The following CLIC5 variants were observed in gnomAD, a reference collection of about 807,000 sequenced individuals.
CLIC5 encodes the protein CLIC family member 5, also known as chloride intracellular channel protein 5.
In CLIC5, 20 loss-of-function variants were observed where a neutral mutation model predicts 24.7. The observed-to-expected ratio is 0.81, with a 90% confidence interval of 0.57 to 1.18. The LOEUF is 1.18. Among genes scored for constraint, CLIC5 ranks in the 50% most tolerant of loss-of-function variants. CLIC5 has a pLI of 0.00. For synonymous variants in CLIC5, 159 were observed against 135.6 expected (o/e 1.17, Z -1.20); for missense variants, 341 against 326.1 (o/e 1.05, Z -0.35).
Position 45,899,191 on chromosome 6 carries a change from C to T in CLIC5, c.*3897G>A, listed in dbSNP as rs1369582165. On this transcript the variant is annotated 3_prime_UTR_variant, in exon 6 of 6. Transcript: ENST00000339561. ...ACAATGGGGCTGTGTGCAGCAGGTC[C>T]TGTTCGCTTAAGTTTTCCTAACATC... 2.6e-5 allele frequency: 4 copies of T among 152,188 alleles called. No homozygotes were observed. 9.4% of individuals were successfully genotyped at this position (152,188 alleles called of 1,614,324 possible). A position where few individuals can be genotyped will look rare whatever the true frequency, so the allele number is the denominator to read the frequency against.
the CLIC5 span, among the ~76,000 whole-genome samples, chr6:46,119,063 T>C: frequency 6.6e-6 from 1 of 152,178 alleles, no homozygotes; most frequent in East Asian, 1.9e-4. Context: ...CTCTAGAGGC[T>C]GGAAAAGGCA....
intron 1 of CLIC5, among the ~76,000 whole-genome samples, chr6:45,996,930 G>A (rs113935280): frequency 6.8e-4 from 103 of 152,146 alleles, no homozygotes; most frequent in African/African-American, 2.5e-3. Context: ...TTCAACCATT[G>A]TGGAAGTCAG....
At chr6:46,086,698 A>G in the CLIC5 span, among the ~76,000 whole-genome samples, 4 of 152,214 alleles carry the variant, frequency 2.6e-5, no homozygotes, top group African/African-American at 9.7e-5. Context: ...TTCCAGACAA[A>G]GACAGATGCT....
chr6:45,969,896 T>G (rs1328556418), intron 1 of CLIC5, among the ~76,000 whole-genome samples: 1 of 148,886 alleles, frequency 6.7e-6, no homozygotes, highest in Non-Finnish European at 1.5e-5. Context: ...AGGGGAAGGA[T>G]AGAAGGGAAG....
At chr6:45,979,323 G>A (rs544771964) in intron 1 of CLIC5, among the ~76,000 whole-genome samples, 1 of 152,276 alleles carries the variant, frequency 6.6e-6, no homozygotes, top group African/African-American at 2.4e-5. Context: ...TCCTTGAATA[G>A]ACAAGAGACC....
At chr6:46,066,573 A>G (rs1448113998) in intron 1 of CLIC5, among the ~76,000 whole-genome samples, 1 of 151,996 alleles carries the variant, frequency 6.6e-6, no homozygotes, top group Non-Finnish European at 1.5e-5. Flanking sequence ...AAATCAACAC[A>G]TATTTATGAG....
rs191264459 is a variant in CLIC5, at chr6:46,032,444, C to G, written c.540+47259G>C. ...AGATTGGGGAGGGAGAACTTTTCAGCTTTTACTTTATGCATTTTTATATCA... is the reference window on the plus strand; with the variant it reads ...AGATTGGGGAGGGAGAACTTTTCAGGTTTTACTTTATGCATTTTTATATCA... On this transcript the variant is annotated intron_variant, in intron 1 of 5. Coordinates refer to the CLIC5 transcript ENST00000185206. 6.6e-5 allele frequency among the ~76,000 whole-genome samples: 10 copies of G among 152,294 alleles called. No homozygotes were observed. In the East Asian group the frequency reaches 1.9e-3, roughly 29 times the overall value.
At chr6:46,030,291 G>A (rs9472671) in intron 1 of CLIC5, among the ~76,000 whole-genome samples, 2,099 of 152,114 alleles carry the variant, frequency 0.014, 50 homozygotes, top group African/African-American at 0.047. Context: ...CCATATTTTT[G>A]TTTAATCCTT....
intron 1 of CLIC5, among the ~76,000 whole-genome samples, chr6:45,982,296 T>A (rs142779676): frequency 6.6e-6 from 1 of 152,138 alleles, no homozygotes; most frequent in Non-Finnish European, 1.5e-5. Flanking sequence ...GGACTCAGTG[T>A]CCTCATGAAT....
chr6:45,958,003 A>T (rs1237321301), intron 1 of CLIC5, among the ~76,000 whole-genome samples: 1 of 152,064 alleles, frequency 6.6e-6, no homozygotes, highest in Non-Finnish European at 1.5e-5. Flanking sequence ...CCTAGGTTGA[A>T]TCATGTTCCC....
intron 1 of CLIC5, among the ~76,000 whole-genome samples, chr6:46,065,960 C>T (rs1433844386): frequency 2.0e-5 from 3 of 152,112 alleles, no homozygotes; most frequent in Non-Finnish European, 4.4e-5. Flanking sequence ...CATACTAGGG[C>T]ATATGGTATA....
At chr6:45,940,760 GTT>G (rs1289468547) in intron 4 of CLIC5, among the ~76,000 whole-genome samples, 2 of 152,200 alleles carry the variant, frequency 1.3e-5, no homozygotes, top group African/African-American at 4.8e-5. Flanking sequence ...AGCCCCCCAG[GTT>G]GGCACTGCAG....
At chr6:46,120,617 G>A in the CLIC5 span, among the ~76,000 whole-genome samples, 2 of 152,206 alleles carry the variant, frequency 1.3e-5, no homozygotes, top group South Asian at 4.1e-4. Context: ...GAAGGCTTCA[G>A]ATGATCAAAC....
chr6:45,952,222 G>C (rs1425338067), intron 2 of CLIC5, among the ~76,000 whole-genome samples: 1 of 152,140 alleles, frequency 6.6e-6, no homozygotes, highest in Non-Finnish European at 1.5e-5. Flanking sequence ...GGCCACCGAC[G>C]CTTAGCTAGA....
intron 5 of CLIC5, among the ~76,000 whole-genome samples, chr6:45,908,170 T>C (rs1379905861): frequency 6.6e-6 from 1 of 152,178 alleles, no homozygotes. Context: ...GTTGTTGTTG[T>C]TGTTAATCTA....
At chr6:45,905,437 T>G (rs576073006) in intron 5 of CLIC5, among the ~76,000 whole-genome samples, 242 of 152,022 alleles carry the variant, frequency 1.6e-3, no homozygotes, top group African/African-American at 5.6e-3. Context: ...GGTGTCTCCT[T>G]GTGCTTTTAA....
the CLIC5 span, among the ~76,000 whole-genome samples, chr6:46,089,454 G>C: frequency 1.3e-5 from 2 of 151,988 alleles, no homozygotes; most frequent in Non-Finnish European, 2.9e-5. Context: ...AATGTTTGTG[G>C]CCAGACGATT....
At chr6:46,111,181 C>CT in the CLIC5 span, among the ~76,000 whole-genome samples, 579 of 143,056 alleles carry the variant, frequency 4.0e-3, 6 homozygotes, top group African/African-American at 8.9e-3. Flanking sequence ...CAAACCTGTC[C>CT]TTTTTTTTTT....
intron 1 of CLIC5, among the ~76,000 whole-genome samples, chr6:46,029,323 T>A (rs886088544): frequency 2.6e-5 from 4 of 152,170 alleles, no homozygotes; most frequent in African/African-American, 9.7e-5. Context: ...ACCATAATAA[T>A]ATTTGCATGG....
Sources: gnomAD v4.1 joint callset for allele counts (sites outside exome capture counted in the v4.1 genomes callset) on GRCh38, gnomAD v4.1.1 for gene constraint, MANE v1.5 for transcripts, NCBI Gene and HGNC (gene_info 2026-07-23, HGNC 2026-07-21) for gene names.